Variants in ANKRD27 observed in about 807,000 individuals in gnomAD.
ANKRD27 encodes the protein ankyrin repeat domain 27, also known as ankyrin repeat domain-containing protein 27.
Under a neutral mutation model 129.7 loss-of-function variants are expected in ANKRD27, and 112 were observed. The observed-to-expected ratio is 0.86, with a 90% CI of 0.74 to 1.01. The LOEUF is 1.01. ANKRD27 is among the 50% of genes least tolerant of loss of function. The pLI, the probability that ANKRD27 is intolerant of heterozygous loss-of-function variation, is 0.00. For synonymous variants in ANKRD27, 516 were observed against 511.2 expected, an observed-to-expected ratio of 1.01 and a Z score of -0.13; for missense variants, 1,258 against 1,300.5, an observed-to-expected ratio of 0.97 and a Z score of 0.50.
intron 22 of ANKRD27, chr19:32,608,370 A>T: frequency 3.1e-6 from 1 of 318,710 alleles, no homozygotes; most frequent in African/African-American, 2.2e-5. Context: ...TTTGAGGGGC[A>T]TGGCCACAGC....
At chr19:32,643,903 C>T (rs1967251455) in intron 5 of ANKRD27, 1 of 513,072 alleles carries the variant, frequency 1.9e-6, no homozygotes, top group Non-Finnish European at 3.5e-6. Context: ...GAGACAGGGT[C>T]TCACTTTGTT....
At chr19:32,657,722 C>A (rs1424550064) in intron 2 of ANKRD27, among the ~76,000 whole-genome samples, 5 of 151,984 alleles carry the variant, frequency 3.3e-5, no homozygotes, top group Admixed American at 6.6e-5. Flanking sequence ...GCCTGTAATC[C>A]CAGCACTTTG....
chr19:32,640,284 A>G (rs765989591), intron 11 of ANKRD27, 23 bp downstream of exon 11: 35 of 1,604,306 alleles, frequency 2.2e-5, no homozygotes, highest in Non-Finnish European at 3.0e-5. Flanking sequence ...TTTTCAAAAG[A>G]GTATCTTAAA....
Position 32,604,418 on chromosome 19 carries a change from C to T in ANKRD27, c.2500G>A (p.Ala834Thr). Residue 834 changes from alanine (A) to threonine (T), a missense_variant, in exon 25 of 29, where the codon GCC becomes ACC. Physicochemically the swap from Ala to Thr is moderately conservative, Grantham distance 58. Coordinates refer to ENST00000306065, the MANE Select transcript of ANKRD27 (RefSeq NM_032139.3). Reference protein sequence around the residue: ...ELVALLLQHGASINASNNKGN... With the variant: ...ELVALLLQHGTSINASNNKGN... The stretch of plus-strand genomic sequence containing the variant: ...TTATTGTTAGAAGCGTTAATGGAGG[C>T]CCCGTGCTGGAAAGAGAAACCACAC... 6.2e-7 allele frequency: 1 copy of T among 1,602,168 alleles called. No individual in the cohort carries two copies. The highest frequency in any genetic ancestry group is 8.5e-7 in the Non-Finnish European group (1 of 1,170,886).
chr19:32,615,959 C>T (rs797001318), intron 21 of ANKRD27, among the ~76,000 whole-genome samples, 179 bp from the exon 22 acceptor site: 15 of 152,322 alleles, frequency 9.8e-5, no homozygotes, highest in African/African-American at 2.6e-4. Context: ...TTCCACTTCA[C>T]AGCTTATGCC....
intron 15 of ANKRD27, 128 bp downstream of exon 15, chr19:32,627,955 G>A: frequency 2.5e-6 from 2 of 800,614 alleles, no homozygotes; most frequent in South Asian, 1.6e-5. Flanking sequence ...CCCTTGGAGG[G>A]TGGACCCACG....
intron 12 of ANKRD27, among the ~76,000 whole-genome samples, chr19:32,634,017 C>A (rs888573400): frequency 6.6e-6 from 1 of 152,076 alleles, no homozygotes. Context: ...GGTGACAGAG[C>A]GAGATCCTGT....
intron 22 of ANKRD27, among the ~76,000 whole-genome samples, chr19:32,609,810 T>G (rs1971807102): frequency 6.9e-6 from 1 of 144,434 alleles, no homozygotes; most frequent in Non-Finnish European, 1.5e-5. Context: ...ATATGCTTTA[T>G]GTAAATATAA....
intron 22 of ANKRD27, among the ~76,000 whole-genome samples, chr19:32,609,030 G>C (rs1971794295): frequency 1.3e-5 from 2 of 151,984 alleles, no homozygotes; most frequent in African/African-American, 4.8e-5. Context: ...ACCACACCTG[G>C]CTGATTTTTG....
At chr19:32,667,107 C>T (rs1967773575) in intron 1 of ANKRD27, among the ~76,000 whole-genome samples, 2 of 152,206 alleles carry the variant, frequency 1.3e-5, no homozygotes, top group South Asian at 4.1e-4. Context: ...AACATAGCAC[C>T]AGTTACTGCA....
intron 2 of ANKRD27, among the ~76,000 whole-genome samples, chr19:32,656,852 A>G (rs1967547980): frequency 6.6e-6 from 1 of 152,174 alleles, no homozygotes; most frequent in Non-Finnish European, 1.5e-5. Context: ...CATCAAGCAA[A>G]GTATCTTGTA....
intron 1 of ANKRD27, among the ~76,000 whole-genome samples, chr19:32,662,177 T>C (rs1344685102): frequency 6.6e-6 from 1 of 151,832 alleles, no homozygotes; most frequent in Non-Finnish European, 1.5e-5. Flanking sequence ...TGGGGTGTGG[T>C]GGCATGTGCC....
At chr19:32,642,219 T>A (rs946649038) in intron 9 of ANKRD27, 74 bp from the exon 10 acceptor site, 12 of 1,269,522 alleles carry the variant, frequency 9.5e-6, no homozygotes, top group South Asian at 2.4e-5. Flanking sequence ...TAAGAACACA[T>A]CTCAGGATCT....
At chr19:32,617,883 T>C (rs1437550606) in intron 20 of ANKRD27, among the ~76,000 whole-genome samples, 1 of 151,950 alleles carries the variant, frequency 6.6e-6, no homozygotes, top group African/African-American at 2.4e-5. Context: ...GCCTCCCTAG[T>C]AGCTGGGATT....
At chr19:32,649,462 C>T (rs1384666488) in intron 3 of ANKRD27, among the ~76,000 whole-genome samples, 1 of 152,090 alleles carries the variant, frequency 6.6e-6, no homozygotes, top group African/African-American at 2.4e-5. Context: ...CTTGGCACCT[C>T]CCGGCCTCCA....
At chr19:32,656,079 GAAAGAAAGAAAGAAAGAAAGAAAGAAAGA>G (rs1967518793) in intron 2 of ANKRD27, among the ~76,000 whole-genome samples, 1 of 22,676 alleles carries the variant, frequency 4.4e-5, no homozygotes, top group African/African-American at 1.2e-4. Context: ...AAGAAAGAAA[GAAAGAAAGAAAGAAAGAAAGAAAGAAAGA>G]AAAGAAAAGA....
Position 32,631,457 on chromosome 19 carries a change from T to G in ANKRD27, c.1154A>C (p.Gln385Pro). 5.6e-6 allele frequency: 9 copies of G among 1,614,168 alleles called. No homozygotes were observed. Among genetic ancestry groups the G allele is most frequent in the Non-Finnish European group, 7.6e-6 (9 of 1,180,030 alleles). The change falls in exon 13 of 29, where the codon CAG (glutamine) becomes CCG (proline). Residue 385 changes from glutamine to proline, a missense_variant. Physicochemically the swap from Gln to Pro is moderately conservative, Grantham distance 76 (BLOSUM62 -1). Transcript: ENST00000306065. ...CATCTGAGAGAGTAAGCTCATTCTC[T>G]GCTTAAGGAACAGCCTGTCTCCAAA... Reference protein sequence around the residue: ...EGFGDRLFLKQRMSLLSQMTS... With the variant: ...EGFGDRLFLKPRMSLLSQMTS...
intron 2 of ANKRD27, chr19:32,654,968 T>A (rs1293090597): frequency 2.0e-5 from 3 of 152,094 alleles, no homozygotes; most frequent in African/African-American, 7.2e-5. Context: ...TTTTAGTAGA[T>A]ATGGGGTTTC....
chr19:32,650,809 G>A (rs1009617762), intron 2 of ANKRD27, among the ~76,000 whole-genome samples: 1 of 143,934 alleles, frequency 6.9e-6, no homozygotes, highest in African/African-American at 2.6e-5. Context: ...GAGTGCAGTG[G>A]CGCAATCATA....
Sources: allele counts gnomAD v4.1 joint callset (sites outside exome capture counted in the v4.1 genomes callset), GRCh38; gene constraint gnomAD v4.1.1; transcripts MANE v1.5; gene names NCBI Gene and HGNC (gene_info 2026-07-23, HGNC 2026-07-21).